The following TNFSF4 variants were observed in gnomAD, a reference collection of about 807,000 sequenced individuals.
The protein encoded by TNFSF4 is tumor necrosis factor ligand superfamily member 4.
In TNFSF4, 4 loss-of-function variants were observed where a neutral mutation model predicts 7.3. The ratio of observed to expected loss-of-function variants is 0.55; its 90% confidence interval spans 0.27 to 1.25. The LOEUF is 1.25. TNFSF4 is among the 50% of genes most tolerant of loss of function. The probability of loss-of-function intolerance (pLI) is 0.12; values close to 1 mark genes in which losing one functional copy is unlikely to be tolerated. For synonymous variants in TNFSF4, 76 were observed against 83.7 expected (o/e 0.91, Z 0.50); for missense variants, 181 against 208.8 (o/e 0.87, Z 0.82).
chr1:173,234,373 T>C, the TNFSF4 span, among the ~76,000 whole-genome samples: 2 of 152,196 alleles, frequency 1.3e-5, no homozygotes, highest in Non-Finnish European at 2.9e-5. Context: ...GTTCAACCAT[T>C]GTGGAAGACA....
chr1:173,381,468 T>C, the TNFSF4 span, among the ~76,000 whole-genome samples: 1 of 152,302 alleles, frequency 6.6e-6, no homozygotes, highest in African/African-American at 2.4e-5. Context: ...ATTACTTGTC[T>C]TTGGGCCCTG....
At chr1:173,213,855 G>A in the TNFSF4 span, among the ~76,000 whole-genome samples, 1 of 152,142 alleles carries the variant, frequency 6.6e-6, no homozygotes. Flanking sequence ...TCTCAACTAA[G>A]GGTAGATTTG....
At chr1:173,419,282 C>T in the TNFSF4 span, among the ~76,000 whole-genome samples, 3 of 150,850 alleles carry the variant, frequency 2.0e-5, no homozygotes, top group African/African-American at 7.3e-5. Flanking sequence ...GCGGAGCTTG[C>T]AGGGAGCTGA....
At chr1:173,183,043 A>G (rs1233070756), downstream of TNFSF4, among the ~76,000 whole-genome samples, 1 of 152,216 alleles carries the variant, frequency 6.6e-6, no homozygotes, top group African/African-American at 2.4e-5. Flanking sequence ...ATATTTAAAT[A>G]TCAGCTACTA....
chr1:173,178,925 G>A (rs1421554776), downstream of TNFSF4, among the ~76,000 whole-genome samples: 2 of 152,180 alleles, frequency 1.3e-5, no homozygotes, highest in Non-Finnish European at 2.9e-5. Context: ...AGAAAGCAAT[G>A]TAACTATTGA....
chr1:173,234,890 A>C, the TNFSF4 span, among the ~76,000 whole-genome samples: 1 of 152,192 alleles, frequency 6.6e-6, no homozygotes, highest in Non-Finnish European at 1.5e-5. Context: ...ACATGTGTAC[A>C]TATGTAACAA....
At chr1:173,386,859 G>A in the TNFSF4 span, among the ~76,000 whole-genome samples, 1 of 152,192 alleles carries the variant, frequency 6.6e-6, no homozygotes, top group African/African-American at 2.4e-5. Context: ...AATGTTGTTT[G>A]TCTTACTGGG....
chr1:173,414,568 T>G, the TNFSF4 span, among the ~76,000 whole-genome samples: 1 of 152,268 alleles, frequency 6.6e-6, no homozygotes, highest in Non-Finnish European at 1.5e-5. Flanking sequence ...CTTTTCAGTC[T>G]GCTTATGGTT....
At chr1:173,437,006 G>C in the TNFSF4 span, among the ~76,000 whole-genome samples, 2 of 152,164 alleles carry the variant, frequency 1.3e-5, no homozygotes, top group East Asian at 1.9e-4. Context: ...CACCAGTCTA[G>C]AGATGTGATT....
the TNFSF4 span, chr1:173,352,029 T>C: frequency 2.7e-6 from 1 of 372,130 alleles, no homozygotes. Context: ...TATATACAAG[T>C]TTTGATTAAA....
chr1:173,287,374 A>G, the TNFSF4 span, among the ~76,000 whole-genome samples: 1 of 152,186 alleles, frequency 6.6e-6, no homozygotes, highest in East Asian at 1.9e-4. Context: ...ACAATGGGAT[A>G]CCACTACACA....
intron 1 of TNFSF4, among the ~76,000 whole-genome samples, chr1:173,193,582 G>A (rs1056190779): frequency 4.6e-5 from 7 of 151,808 alleles, no homozygotes; most frequent in Admixed American, 1.3e-4. Context: ...TCTCCCACGC[G>A]AATTTGAAGA....
intron 1 of TNFSF4, among the ~76,000 whole-genome samples, chr1:173,191,655 T>C (rs1649483613): frequency 6.6e-6 from 1 of 152,210 alleles, no homozygotes; most frequent in South Asian, 2.1e-4. Flanking sequence ...GGCAGCCTGG[T>C]AGGATGGCAC....
At chr1:173,175,649 C>T in the TNFSF4 span, 1 of 152,192 alleles carries the variant, frequency 6.6e-6, no homozygotes, top group Non-Finnish European at 1.5e-5. Context: ...GAATTTCTGG[C>T]AGAAGTCTTA....
intron 1 of TNFSF4, among the ~76,000 whole-genome samples, chr1:173,203,765 G>A (rs572261119): frequency 6.6e-6 from 1 of 152,194 alleles, no homozygotes; most frequent in African/African-American, 2.4e-5. Context: ...TCAGGTCTTT[G>A]AGCATGATGA....
the TNFSF4 span, among the ~76,000 whole-genome samples, chr1:173,430,669 AG>A: frequency 1.3e-4 from 20 of 152,270 alleles, no homozygotes. Context: ...AAGGGTCTAT[AG>A]AGTTGTTCAC....
At chr1:173,198,820 G>A (rs1451839429) in intron 1 of TNFSF4, among the ~76,000 whole-genome samples, 1 of 152,118 alleles carries the variant, frequency 6.6e-6, no homozygotes, top group Non-Finnish European at 1.5e-5. Flanking sequence ...CATCTGTGGG[G>A]GGCTAAATAA....
At chr1:173,436,824 T>C in the TNFSF4 span, among the ~76,000 whole-genome samples, 1 of 152,228 alleles carries the variant, frequency 6.6e-6, no homozygotes. Flanking sequence ...TCCAGAAATG[T>C]GTCCCAGCGC....
the TNFSF4 span, among the ~76,000 whole-genome samples, chr1:173,248,606 G>A: frequency 6.6e-6 from 1 of 152,202 alleles, no homozygotes; most frequent in Admixed American, 6.5e-5. Flanking sequence ...ACATGGGAGA[G>A]AGACCTTTTC....
Sources: gnomAD v4.1 joint callset for allele counts (sites outside exome capture counted in the v4.1 genomes callset) on GRCh38, gnomAD v4.1.1 for gene constraint, MANE v1.5 for transcripts, NCBI Gene and HGNC (gene_info 2026-07-23, HGNC 2026-07-21) for gene names.